ZRANB3: variants seen among roughly 807,000 people sequenced by gnomAD.
The protein encoded by ZRANB3 is zinc finger RANBP2-type containing 3, also known as DNA annealing helicase and endonuclease ZRANB3.
In ZRANB3, 125 loss-of-function variants were observed where a neutral mutation model predicts 133.8. That is an observed-to-expected ratio of 0.93 (90% CI 0.81 to 1.08). The LOEUF (loss-of-function observed/expected upper bound fraction) is 1.08, where lower values mean the gene tolerates loss of function less well. Among genes scored for constraint, ZRANB3 ranks in the 50% least tolerant of loss-of-function variants. The probability of loss-of-function intolerance (pLI) is 0.00; values close to 1 mark genes in which losing one functional copy is unlikely to be tolerated. For missense variants in ZRANB3, 1,229 were observed against 1,275.5 expected (o/e 0.96, Z 0.56); for synonymous variants, 387 against 432.7 (o/e 0.89, Z 1.31).
chr2:135,220,018 C>T (rs1018590035), intron 15 of ZRANB3, among the ~76,000 whole-genome samples: 2 of 151,962 alleles, frequency 1.3e-5, no homozygotes, highest in East Asian at 1.9e-4. Context: ...ATTACAGGCA[C>T]GTTCCACCAC....
intron 8 of ZRANB3, among the ~76,000 whole-genome samples, chr2:135,305,588 T>G (rs1280590582): frequency 1.3e-5 from 2 of 152,210 alleles, no homozygotes; most frequent in African/African-American, 4.8e-5. Context: ...TTCTCTCTTA[T>G]TTTTTATCAT....
At chr2:135,490,433 C>A (rs1272450192) in intron 2 of ZRANB3, among the ~76,000 whole-genome samples, 1 of 151,966 alleles carries the variant, frequency 6.6e-6, no homozygotes, top group Non-Finnish European at 1.5e-5. Context: ...CAGAGAAATG[C>A]AAATCAAAAC....
chr2:135,350,296 T>A (rs992335185), intron 4 of ZRANB3, 81 bp from the exon 5 acceptor site: 1 of 999,822 alleles, frequency 1.0e-6, no homozygotes, highest in African/African-American at 1.6e-5. Context: ...TGGGAAAAAA[T>A]ACAGAGGAGA....
chr2:135,438,333 C>T (rs974789588), intron 2 of ZRANB3, among the ~76,000 whole-genome samples: 4 of 151,910 alleles, frequency 2.6e-5, no homozygotes, highest in East Asian at 3.9e-4. Flanking sequence ...GGTGAAACTC[C>T]GTATCTACTA....
chr2:135,394,953 CAAAAAAAAA>C (rs113220872), intron 2 of ZRANB3, among the ~76,000 whole-genome samples: 1 of 43,374 alleles, frequency 2.3e-5, no homozygotes, highest in East Asian at 9.3e-4. Context: ...CTTGTCTCTA[CAAAAAAAAA>C]AAAAAAAAAA....
intron 19 of ZRANB3, among the ~76,000 whole-genome samples, chr2:135,203,527 G>A (rs1250696369): frequency 6.7e-6 from 1 of 149,400 alleles, no homozygotes; most frequent in African/African-American, 2.5e-5. Context: ...GCTGAGGCAG[G>A]AGAATGGCGT....
chr2:135,498,557 C>T (rs1253657750), intron 2 of ZRANB3, among the ~76,000 whole-genome samples: 1 of 152,076 alleles, frequency 6.6e-6, no homozygotes, highest in Non-Finnish European at 1.5e-5. Context: ...AATGTGGGCA[C>T]CTTGAAAAAA....
intron 6 of ZRANB3, among the ~76,000 whole-genome samples, chr2:135,328,294 A>G (rs1348337321): frequency 1.4e-5 from 2 of 142,262 alleles, no homozygotes; most frequent in South Asian, 2.2e-4. Context: ...CAATTCCCAC[A>G]TAAGAGTGAG....
intron 19 of ZRANB3, among the ~76,000 whole-genome samples, chr2:135,206,804 A>G (rs1321932072): frequency 6.6e-6 from 1 of 152,008 alleles, no homozygotes; most frequent in African/African-American, 2.4e-5. Context: ...GGAGGTCTTT[A>G]CCTGTGAGAG....
At chr2:135,327,358 T>TGG (rs1166268878) in intron 6 of ZRANB3, among the ~76,000 whole-genome samples, 2 of 152,102 alleles carry the variant, frequency 1.3e-5, no homozygotes, top group Non-Finnish European at 2.9e-5. Context: ...TATGTGCTTA[T>TGG]AAGACATGTT....
intron 3 of ZRANB3, among the ~76,000 whole-genome samples, chr2:135,376,359 T>C (rs536794574): frequency 1.6e-4 from 24 of 152,312 alleles, no homozygotes; most frequent in African/African-American, 5.8e-4. Context: ...ACTCCTAGAT[T>C]TGAAAACCTA....
At chr2:135,312,340 T>A (rs1297094742) in intron 8 of ZRANB3, among the ~76,000 whole-genome samples, 1 of 151,818 alleles carries the variant, frequency 6.6e-6, no homozygotes, top group African/African-American at 2.4e-5. Flanking sequence ...TAGGATGACA[T>A]GCACACTACC....
chr2:135,218,169 A>G (rs1402925542), intron 16 of ZRANB3, among the ~76,000 whole-genome samples: 2 of 152,180 alleles, frequency 1.3e-5, no homozygotes, highest in Non-Finnish European at 2.9e-5. Context: ...CATGCAGTGT[A>G]TGCCCTTAAC....
chr2:135,312,634 A>C (rs1290921325), intron 8 of ZRANB3, among the ~76,000 whole-genome samples: 1 of 152,204 alleles, frequency 6.6e-6, no homozygotes, highest in Non-Finnish European at 1.5e-5. Flanking sequence ...AGGGTACTGA[A>C]CATGGAATAT....
chr2:135,313,873 T>C lies in ZRANB3; in HGVS notation c.850-268A>G, dbSNP rs1220659965. On this transcript the variant is annotated intron_variant, in intron 7 of 20. Coordinates refer to ENST00000264159, the MANE Select transcript of ZRANB3 (RefSeq NM_032143.4). ...TAAATCAAACAATTATAATTTCTTC[T>C]TTTTTTTTGAGACAGAGTCTCGCTC... 2.6e-5 allele frequency among the ~76,000 whole-genome samples: 4 copies of C among 151,580 alleles called. No homozygotes were observed. In the East Asian group the frequency reaches 7.7e-4, roughly 29 times the overall value.
intron 6 of ZRANB3, among the ~76,000 whole-genome samples, chr2:135,320,772 G>C (rs1421242297): frequency 6.6e-6 from 1 of 152,140 alleles, no homozygotes; most frequent in South Asian, 2.1e-4. Context: ...TTAAAGTTAG[G>C]TTCTCTTGTG....
chr2:135,516,738 C>T lies in ZRANB3; in HGVS notation c.-7-12242G>A, dbSNP rs574743067. ...TTCATTTCAACCTTGGTGAATCTGACAATTATGTGTCTTGTGGTTGCTCTT... is the reference window on the plus strand; with the variant it reads ...TTCATTTCAACCTTGGTGAATCTGATAATTATGTGTCTTGTGGTTGCTCTT... On this transcript the variant is annotated intron_variant, in intron 1 of 20. Coordinates refer to ENST00000264159, the MANE Select transcript of ZRANB3 (RefSeq NM_032143.4). Among the ~76,000 whole-genome samples, 16 of 152,236 alleles carry T rather than the reference C, an allele frequency of 1.1e-4. No homozygotes were observed. The East Asian group carries it at 3.1e-3, about 29-fold the overall frequency.
chr2:135,270,560 T>C (rs1313942999), intron 10 of ZRANB3, among the ~76,000 whole-genome samples: 3 of 152,202 alleles, frequency 2.0e-5, no homozygotes, highest in Non-Finnish European at 2.9e-5. Flanking sequence ...AAGTACTTCA[T>C]TTCTAATTCT....
intron 1 of ZRANB3, among the ~76,000 whole-genome samples, chr2:135,508,426 C>T (rs547995383): frequency 1.9e-4 from 29 of 152,076 alleles, no homozygotes; most frequent in African/African-American, 6.7e-4. Context: ...CGTGAGCCAC[C>T]GCACCTGGCC....
Sources: gnomAD v4.1 joint callset for allele counts (sites outside exome capture counted in the v4.1 genomes callset) on GRCh38, gnomAD v4.1.1 for gene constraint, MANE v1.5 for transcripts, NCBI Gene and HGNC (gene_info 2026-07-23, HGNC 2026-07-21) for gene names.